Variants in CHD1L observed in about 807,000 individuals in gnomAD.
CHD1L encodes ATP-dependent chromatin remodeler CHD1L.
In CHD1L, 118 loss-of-function variants were observed where a neutral mutation model predicts 115.9. That is an observed-to-expected ratio of 1.02 (90% CI 0.88 to 1.19). The LOEUF is 1.19. CHD1L is among the 50% of genes most tolerant of loss of function. CHD1L has a pLI of 0.00. For missense variants in CHD1L, 1,179 were observed against 1,065.3 expected (o/e 1.11, Z -1.49); for synonymous variants, 411 against 387.1 (o/e 1.06, Z -0.72).
chr1:147,259,317 G>A (rs587715850), intron 5 of CHD1L: 4 of 152,318 alleles, frequency 2.6e-5, no homozygotes, highest in African/African-American at 7.2e-5. Flanking sequence ...ATTTGACTCT[G>A]CTCACCACTT....
chr1:147,259,725 GGGCT>G (rs1166259093), intron 5 of CHD1L, 108 bp from the exon 6 acceptor site: 5 of 822,820 alleles, frequency 6.1e-6, no homozygotes, highest in African/African-American at 1.7e-5. Flanking sequence ...GTAATAGAAG[GGGCT>G]TACTGTTAAG....
the CHD1L span, among the ~76,000 whole-genome samples, chr1:147,194,225 G>C: frequency 4.6e-5 from 7 of 152,174 alleles, no homozygotes; most frequent in Non-Finnish European, 1.0e-4. Context: ...GGATAGTTAG[G>C]TCTTCTTGTT....
chr1:147,280,022 C>G lies in CHD1L; in HGVS notation c.1540-4C>G, dbSNP rs782417185. On this transcript the variant is annotated splice_region_variant and splice_polypyrimidine_tract_variant and intron_variant, in intron 14 of 22. Transcript: ENST00000369258. ...GCTGGACTTTTTTGTTTCCTCTATT[C>G]AAGTTGAGTGAGATACTCAAATTTG... The G allele has an allele frequency of 1.2e-6, 2 of 1,613,448 alleles. No individual in the cohort carries two copies. The highest frequency in any genetic ancestry group is 1.7e-6 in the Non-Finnish European group (2 of 1,179,910).
At chr1:147,172,864 T>C in the CHD1L span, 1 of 152,394 alleles carries the variant, frequency 6.6e-6, no homozygotes, top group African/African-American at 2.4e-5. Flanking sequence ...CACGGCTTTC[T>C]ACCCCGCCTC....
Position 147,294,570 on chromosome 1 carries a change from T to A in CHD1L, c.2615+53T>A. ...TTCTCCCAACCCAAGAGGGAAAATG[T>A]GTTCATTTTCTGGTGTCAGTTCTTA... On this transcript the variant is annotated intron_variant, in intron 22 of 22. Transcript: ENST00000369258. The A allele has an allele frequency of 2.1e-6, 3 of 1,410,244 alleles. No homozygotes were observed. In the South Asian group the frequency reaches 3.7e-5, roughly 18 times the overall value. 87.4% of individuals were successfully genotyped at this position (1,410,244 alleles called of 1,614,324 possible).
the CHD1L span, chr1:147,187,344 A>G: frequency 1.3e-6 from 1 of 788,066 alleles, no homozygotes; most frequent in Non-Finnish European, 2.0e-6. Flanking sequence ...TCAATATCAG[A>G]CTAGGAGCTG....
chr1:147,218,416 T>G, the CHD1L span, among the ~76,000 whole-genome samples: 876 of 100,904 alleles, frequency 8.7e-3, 8 homozygotes, highest in African/African-American at 0.045. Flanking sequence ...TTTTTGTGTT[T>G]TTAGTAGAGA....
At chr1:147,182,585 A>G in the CHD1L span, among the ~76,000 whole-genome samples, 1 of 152,236 alleles carries the variant, frequency 6.6e-6, no homozygotes, top group Non-Finnish European at 1.5e-5. Context: ...TATTACCTAC[A>G]TCAGTGTTAA....
the CHD1L span, chr1:147,184,516 T>C: frequency 6.5e-7 from 1 of 1,548,154 alleles, no homozygotes; most frequent in Non-Finnish European, 8.7e-7. The surrounding 1 kb of genome is among the most constrained non-coding windows in gnomAD (Gnocchi z 4.4). Flanking sequence ...GCCCCTTTAT[T>C]CCGGGACAAT....
intron 6 of CHD1L, 118 bp from the exon 7 acceptor site, chr1:147,264,303 TC>T: frequency 1.1e-6 from 1 of 889,752 alleles, no homozygotes; most frequent in African/African-American, 1.7e-5. Context: ...TGATTTCATG[TC>T]CCCTCAGTCA....
At chr1:147,260,298 A>C (rs12751749) in intron 6 of CHD1L, 107,011 of 156,302 alleles carry the variant, frequency 0.68, 36,805 homozygotes, top group African/African-American at 0.73. Context: ...TAAAAATCCT[A>C]TGTGCTCCAC....
At chr1:147,279,086 G>A (rs1679788788) in intron 14 of CHD1L, among the ~76,000 whole-genome samples, 1 of 152,170 alleles carries the variant, frequency 6.6e-6, no homozygotes, top group African/African-American at 2.4e-5. Flanking sequence ...AGTCATCCTG[G>A]TTATGTGTAT....
At chr1:147,220,142 GC>G in the CHD1L span, among the ~76,000 whole-genome samples, 236 of 152,112 alleles carry the variant, frequency 1.6e-3, 2 homozygotes, top group Middle Eastern at 0.037. Flanking sequence ...CCAGTCATTT[GC>G]TTTTTTATAT....
chr1:147,244,877 G>A (rs1482014734), intron 1 of CHD1L, among the ~76,000 whole-genome samples: 1 of 151,920 alleles, frequency 6.6e-6, no homozygotes, highest in Admixed American at 6.6e-5. Context: ...TTTAATTCCT[G>A]AAAGGTACCA....
intron 17 of CHD1L, 120 bp downstream of exon 17, chr1:147,285,607 G>A (rs1553965076): frequency 1.8e-6 from 2 of 1,123,048 alleles, no homozygotes; most frequent in African/African-American, 1.6e-5. Context: ...GTTCCTATTG[G>A]TAACAGAATA....
At chr1:147,180,890 G>A in the CHD1L span, among the ~76,000 whole-genome samples, 1 of 152,192 alleles carries the variant, frequency 6.6e-6, no homozygotes, top group Non-Finnish European at 1.5e-5. Flanking sequence ...TTCTGATTCT[G>A]TAAGTCTGGA....
the CHD1L span, chr1:147,208,763 G>A: frequency 9.3e-7 from 1 of 1,070,086 alleles, no homozygotes; most frequent in Non-Finnish European, 1.4e-6. Context: ...TAATGTATGG[G>A]TAGAGGTGGC....
the CHD1L span, chr1:147,208,737 C>A: frequency 3.6e-6 from 3 of 825,420 alleles, no homozygotes; most frequent in Non-Finnish European, 5.9e-6. Flanking sequence ...CCATGCCCAG[C>A]CACTGTGGGT....
intron 6 of CHD1L, among the ~76,000 whole-genome samples, chr1:147,262,731 C>CA (rs11414167): frequency 0.89 from 132,855 of 149,788 alleles, 58,954 homozygotes; most frequent in Middle Eastern, 0.91. Flanking sequence ...AGGGAGATGG[C>CA]AAAAAAAAAA....
Sources: allele counts gnomAD v4.1 joint callset (sites outside exome capture counted in the v4.1 genomes callset), GRCh38; gene constraint gnomAD v4.1.1; non-coding constraint Gnocchi (gnomAD v3.1); transcripts MANE v1.5; gene names NCBI Gene and HGNC (gene_info 2026-07-23, HGNC 2026-07-21).